The following C2CD4D variants were observed in gnomAD, a reference collection of about 807,000 sequenced individuals.
C2CD4D encodes C2 calcium dependent domain containing 4D, also known as C2 calcium-dependent domain-containing protein 4D.
A neutral mutation model predicts 0.2 loss-of-function variants in C2CD4D; 1 was observed. That is an observed-to-expected ratio of 4.00 (90% CI 1.42 to 18.99). The LOEUF is 18.99. C2CD4D is among the 30% of genes most tolerant of loss of function. The pLI, the probability that C2CD4D is intolerant of heterozygous loss-of-function variation, is 0.11. For synonymous variants in C2CD4D, 269 were observed against 279.8 expected (o/e 0.96, Z 0.39); for missense variants, 552 against 551.2 (o/e 1.00, Z -0.01).
exon 2 of C2CD4D, chr1:151,839,105 G>A (rs1652694309): frequency 1.7e-6 from 2 of 1,206,320 alleles, no homozygotes; most frequent in South Asian, 1.5e-5. Context: ...AGGAGTCAGA[G>A]GTGAGTGATG....
intron 1 of C2CD4D, among the ~76,000 whole-genome samples, 78 bp downstream of exon 1, chr1:151,839,586 C>T (rs907713534): frequency 5.3e-5 from 8 of 152,284 alleles, no homozygotes; most frequent in Non-Finnish European, 8.8e-5. Context: ...CTGAGCCATC[C>T]CTCAGTCCTA....
exon 2 of C2CD4D, chr1:151,838,160 A>G: frequency 8.4e-6 from 13 of 1,542,414 alleles, no homozygotes; most frequent in Non-Finnish European, 1.1e-5. Flanking sequence ...GCACTTGACC[A>G]CGCGGCTCTG....
Position 151,839,101 on chromosome 1 carries a change from C to G in C2CD4D, c.-112G>C. ...GGCTGGGCGAGGAGCGCAGAGGAGTCAGAGGTGAGTGATGCTGGCGTACAC... is the reference window on the plus strand; with the variant it reads ...GGCTGGGCGAGGAGCGCAGAGGAGTGAGAGGTGAGTGATGCTGGCGTACAC... On this transcript the variant is annotated 5_prime_UTR_variant, in exon 2 of 2. Transcript: ENST00000454109. The G allele has an allele frequency of 2.4e-6, 3 of 1,252,748 alleles. 1 individual carries two copies. In the South Asian group the frequency reaches 4.4e-5, roughly 18 times the overall value. The allele number at this position is 1,252,748 out of a possible 1,614,324, so 77.6% of individuals were successfully genotyped here.
chr1:151,839,267 T>C, intron 1 of C2CD4D, 47 bp from the exon 2 acceptor site: 1 of 487,730 alleles, frequency 2.1e-6, no homozygotes, highest in Non-Finnish European at 3.6e-6. Context: ...CACATTTTCA[T>C]ATACGGGCCT....
At chr1:151,838,333 C>T in exon 2 of C2CD4D, 1 of 1,414,168 alleles carries the variant, frequency 7.1e-7, no homozygotes, top group Non-Finnish European at 9.3e-7. Context: ...GCCGCAGCTG[C>T]CCGCCGCGGG....
In C2CD4D at chr1:151,838,438, C is replaced by CGGCGA. The variant is rs1478858121; in HGVS notation, c.547_551dup (p.Gly188AlafsTer53). 14 of 1,415,250 alleles carry CGGCGA rather than the reference C, an allele frequency of 9.9e-6. No homozygotes were observed. In the Admixed American group the frequency reaches 2.1e-4, roughly 21 times the overall value. The allele number at this position is 1,415,250 out of a possible 1,614,324, so 87.7% of individuals were successfully genotyped here. On this transcript the variant is annotated frameshift_variant, in exon 2 of 2. Coordinates refer to ENST00000454109, the Ensembl canonical transcript of C2CD4D. LOFTEE classifies it low-confidence loss of function (END_TRUNC). ...GCGGCGTGGGCGGCCCGGCGCGGCG[C>CGGCGA]GGCGAGTGCGGGCTGGTATCGGCCG...
chr1:151,838,077 G>A, exon 2 of C2CD4D: 1 of 1,551,488 alleles, frequency 6.4e-7, no homozygotes, highest in South Asian at 1.2e-5. Flanking sequence ...TTGGCTCTCA[G>A]GCTGCGGGCG....
At chr1:151,838,339 G>T (rs113847894) in exon 2 of C2CD4D, 25 of 1,416,712 alleles carry the variant, frequency 1.8e-5, no homozygotes, top group Non-Finnish European at 2.3e-5. Context: ...GCTGCCCGCC[G>T]CGGGGCCCCA....
rs1163303200 is a variant in C2CD4D at position 151,838,391 on chromosome 1, AG to A, written c.598del (p.Leu200CysfsTer39). 2.1e-6 allele frequency: 3 copies of A among 1,440,484 alleles called. No individual in the cohort carries two copies. Among genetic ancestry groups the A allele is most frequent in the East Asian group, 3.1e-5 (1 of 32,676 alleles). The allele number at this position is 1,440,484 out of a possible 1,614,324, so 89.2% of individuals were successfully genotyped here. A position where few individuals can be genotyped will look rare whatever the true frequency, so the allele number is the denominator to read the frequency against. ...GCGCGTGGGCCGCAGCTGGCAGCAC[AG>A]GAAGTCCAGGTGGAAGAGCGGCGGC... is the stretch of plus-strand genomic sequence containing the variant. On this transcript the variant is annotated frameshift_variant, in exon 2 of 2. Coordinates refer to ENST00000454109, the Ensembl canonical transcript of C2CD4D. LOFTEE classifies it low-confidence loss of function (END_TRUNC).
chr1:151,838,629 C>T, exon 2 of C2CD4D: 2 of 1,320,896 alleles, frequency 1.5e-6, no homozygotes, highest in Non-Finnish European at 1.9e-6. Flanking sequence ...CGGGACTGCG[C>T]CGCGGGGAGT....
At chr1:151,839,843 G>A (rs546170147) in intron 1 of C2CD4D, among the ~76,000 whole-genome samples, 23 bp from the exon 1 acceptor site, 1 of 152,258 alleles carries the variant, frequency 6.6e-6, no homozygotes, top group South Asian at 2.1e-4. Flanking sequence ...CGGGCCGTTG[G>A]GTCGCCCCTC....
At chr1:151,838,891 G>A (rs1166917339) in exon 2 of C2CD4D, 4 of 1,546,568 alleles carry the variant, frequency 2.6e-6, no homozygotes, top group South Asian at 1.2e-5. Flanking sequence ...TTGTGGGCGG[G>A]CCCGGGGCGC....
exon 2 of C2CD4D, chr1:151,837,999 C>G: frequency 5.2e-6 from 8 of 1,550,960 alleles, no homozygotes; most frequent in Non-Finnish European, 7.0e-6. Context: ...GGCAGCAGCG[C>G]AATGAGGGGC....
At chr1:151,839,278 C>T in intron 1 of C2CD4D, 58 bp from the exon 2 acceptor site, 1 of 472,156 alleles carries the variant, frequency 2.1e-6, no homozygotes. Context: ...ATACGGGCCT[C>T]CGTCACCAAG....
chr1:151,838,899 C>G (rs1370232510), exon 2 of C2CD4D: 1 of 1,547,040 alleles, frequency 6.5e-7, no homozygotes, highest in African/African-American at 1.4e-5. Context: ...GGGCCCGGGG[C>G]GCGACGCTTG....
At chr1:151,839,424 A>G (rs1010448014) in intron 1 of C2CD4D, among the ~76,000 whole-genome samples, 2 of 152,178 alleles carry the variant, frequency 1.3e-5, no homozygotes, top group African/African-American at 4.8e-5. Flanking sequence ...AAGGACTCAG[A>G]TCCCAACCCC....
At chr1:151,837,869 T>G in exon 2 of C2CD4D, 1 of 1,434,384 alleles carries the variant, frequency 7.0e-7, no homozygotes, top group Non-Finnish European at 9.2e-7. Flanking sequence ...CCGGGCAGGG[T>G]GGAAAGAATG....
At chr1:151,840,287 C>G (rs566449782) in exon 1 of C2CD4D, 6 of 152,590 alleles carry the variant, frequency 3.9e-5, no homozygotes, top group African/African-American at 1.4e-4. Flanking sequence ...AGGTTTCTAG[C>G]AACAATCCAT....
At chr1:151,839,203 G>A (rs1291839797) in exon 2 of C2CD4D, 1 of 557,230 alleles carries the variant, frequency 1.8e-6, no homozygotes. Flanking sequence ...AAAAGAAAGG[G>A]CGGCGCAGTC....
Sources: gnomAD v4.1 joint callset for allele counts (sites outside exome capture counted in the v4.1 genomes callset) on GRCh38, gnomAD v4.1.1 for gene constraint, MANE v1.5 for transcripts, NCBI Gene and HGNC (gene_info 2026-07-23, HGNC 2026-07-21) for gene names.